NMT1: variants seen among roughly 807,000 people sequenced by gnomAD.
The protein encoded by NMT1 is N-myristoyltransferase 1.
In NMT1, 12 loss-of-function variants were observed where a neutral mutation model predicts 63.4. The ratio of observed to expected loss-of-function variants is 0.19; its 90% CI spans 0.12 to 0.31. NMT1 has a LOEUF of 0.31. NMT1 is among the 10% of genes least tolerant of loss of function. The pLI is 1.00. For synonymous variants in NMT1, 228 were observed against 234.3 expected (o/e 0.97, Z 0.25); for missense variants, 432 against 634.6 (o/e 0.68, Z 3.43).
intron 1 of NMT1, among the ~76,000 whole-genome samples, chr17:45,068,140 A>T (rs1026548395): frequency 6.6e-6 from 1 of 152,206 alleles, no homozygotes; most frequent in African/African-American, 2.4e-5. Flanking sequence ...AGGGACAAAA[A>T]TATGGTGTTC....
At chr17:45,099,074 T>C (rs2054144429) in intron 7 of NMT1, among the ~76,000 whole-genome samples, 1 of 151,764 alleles carries the variant, frequency 6.6e-6, no homozygotes, top group Non-Finnish European at 1.5e-5. Flanking sequence ...GGAGGGTGAG[T>C]GCCTCTGCCA....
chr17:45,098,818 G>A, intron 7 of NMT1: 1 of 416,492 alleles, frequency 2.4e-6, no homozygotes, highest in East Asian at 3.8e-5. Flanking sequence ...GTGGGGGGCG[G>A]TACTGGTGGT....
intron 1 of NMT1, among the ~76,000 whole-genome samples, chr17:45,079,649 C>T (rs530175739): frequency 6.6e-6 from 1 of 152,240 alleles, no homozygotes; most frequent in African/African-American, 2.4e-5. Flanking sequence ...CCCTTGATCA[C>T]GTGCACACAT....
intron 1 of NMT1, among the ~76,000 whole-genome samples, chr17:45,077,062 A>T (rs1246327618): frequency 6.6e-6 from 1 of 152,176 alleles, no homozygotes; most frequent in African/African-American, 2.4e-5. Context: ...GGTAGTTTTT[A>T]CAGTGATTTT....
chr17:45,080,164 T>C (rs2054006167), intron 1 of NMT1, among the ~76,000 whole-genome samples: 3 of 146,128 alleles, frequency 2.1e-5, no homozygotes, highest in African/African-American at 5.3e-5. Context: ...CTTTTTTTTT[T>C]CCCTTTTTTT....
chr17:45,098,708 G>A, intron 7 of NMT1, 156 bp downstream of exon 7: 1 of 655,082 alleles, frequency 1.5e-6, no homozygotes, highest in Non-Finnish European at 2.6e-6. Flanking sequence ...CAGATGGGGA[G>A]CATGGAGAGG....
chr17:45,091,297 A>C (rs2143500228), intron 3 of NMT1, among the ~76,000 whole-genome samples: 1 of 150,758 alleles, frequency 6.6e-6, no homozygotes, highest in African/African-American at 2.4e-5. Context: ...TGGCATGTGC[A>C]TCCTTGCTCA....
intron 3 of NMT1, among the ~76,000 whole-genome samples, chr17:45,091,508 A>G (rs1251734654): frequency 6.6e-6 from 1 of 152,160 alleles, no homozygotes; most frequent in African/African-American, 2.4e-5. Context: ...AGGGAAGACC[A>G]TCAGTATTCT....
At chr17:45,081,773 T>C (rs1229260203) in intron 2 of NMT1, 21 bp downstream of exon 2, 2 of 1,521,430 alleles carry the variant, frequency 1.3e-6, no homozygotes, top group Non-Finnish European at 1.8e-6. Context: ...GGTTCTGTTT[T>C]TTGTGACTCA....
Position 45,061,877 on chromosome 17 carries a change from C to T in NMT1, c.131+417C>T, listed in dbSNP as rs1004530344. The T allele has an allele frequency of 3.8e-5, 6 of 157,538 alleles. No individual in the cohort carries two copies. In the South Asian group the frequency reaches 6.6e-4, roughly 17 times the overall value. 9.8% of individuals were successfully genotyped at this position (157,538 alleles called of 1,614,324 possible). On this transcript the variant is annotated intron_variant, in intron 1 of 11. Coordinates refer to ENST00000258960, the MANE Select transcript of NMT1 (RefSeq NM_021079.5). ...CATAAAACATTTCGCAGCAGTTCAC[C>T]CTCAGTGAGGAAACTCATCAGACTA... is the stretch of plus-strand genomic sequence containing the variant.
intron 1 of NMT1, among the ~76,000 whole-genome samples, chr17:45,078,249 G>A (rs1466490812): frequency 6.6e-6 from 1 of 152,128 alleles, no homozygotes; most frequent in East Asian, 1.9e-4. Context: ...GCATGGGGGG[G>A]ACACATGGAA....
intron 1 of NMT1, among the ~76,000 whole-genome samples, chr17:45,070,091 A>T (rs1364590969): frequency 6.6e-6 from 1 of 152,026 alleles, no homozygotes; most frequent in African/African-American, 2.4e-5. Flanking sequence ...AGCTTTTGTG[A>T]CCTCTAAAAA....
intron 1 of NMT1, among the ~76,000 whole-genome samples, chr17:45,062,555 T>A (rs2053871730): frequency 6.6e-6 from 1 of 152,226 alleles, no homozygotes; most frequent in African/African-American, 2.4e-5. Flanking sequence ...AAGATTATAG[T>A]ACATATTTTT....
intron 1 of NMT1, among the ~76,000 whole-genome samples, chr17:45,070,893 C>T (rs1781898244): frequency 6.6e-6 from 1 of 152,150 alleles, no homozygotes; most frequent in African/African-American, 2.4e-5. Context: ...TTTTATTTTT[C>T]CCATCATTTG....
In NMT1 at chr17:45,107,109, A is replaced by G. The variant is rs2054207333; in HGVS notation, c.*1470A>G. 1 of 152,248 alleles carries G rather than the reference A, an allele frequency of 6.6e-6. No homozygotes were observed. Among genetic ancestry groups the G allele is most frequent in the South Asian group, 2.1e-4 (1 of 4,832 alleles). The allele number at this position is 152,248 out of a possible 1,614,324, so 9.4% of individuals were successfully genotyped here. On this transcript the variant is annotated 3_prime_UTR_variant, in exon 12 of 12. Transcript: ENST00000258960. Reference sequence around the variant, plus strand: ...GCTGCCGTCACCTCTCCGCTCATACAGGAATGAAGCCTTAGCCAGGAGGCC... The same window carrying G: ...GCTGCCGTCACCTCTCCGCTCATACGGGAATGAAGCCTTAGCCAGGAGGCC...
At chr17:45,062,182 C>T (rs958526179) in intron 1 of NMT1, among the ~76,000 whole-genome samples, 1 of 152,306 alleles carries the variant, frequency 6.6e-6, no homozygotes, top group East Asian at 1.9e-4. Context: ...TCCATACTGC[C>T]TATCCTGTAC....
At position 45,097,158 on chromosome 17, in the gene NMT1, G is replaced by C; in HGVS notation, c.627G>C (p.Gln209His). The change falls in exon 6 of 12, where the codon CAG becomes CAC. Residue 209 changes from glutamine (Q) to histidine (H), a missense_variant. Physicochemically the swap from Gln to His is conservative, Grantham distance 24. Transcript: ENST00000258960. Reference sequence around the variant, plus strand: ...TCCGGCCACCCGGCTGGCTCCCCCAGTGGCACTGTGGGGTTCGAGTGGTCT... The same window carrying C: ...TCCGGCCACCCGGCTGGCTCCCCCACTGGCACTGTGGGGTTCGAGTGGTCT... ...WALRPPGWLPQWHCGVRVVSS... is the reference protein window; with the variant it reads ...WALRPPGWLPHWHCGVRVVSS... 1.2e-6 allele frequency: 2 copies of C among 1,614,216 alleles called. No homozygotes were observed. Among genetic ancestry groups the C allele is most frequent in the Non-Finnish European group, 1.7e-6 (2 of 1,180,044 alleles).
chr17:45,077,822 TAAG>T (rs748482884), intron 1 of NMT1, among the ~76,000 whole-genome samples: 34 of 152,212 alleles, frequency 2.2e-4, no homozygotes, highest in African/African-American at 4.1e-4. Flanking sequence ...ATTGAGTTAC[TAAG>T]AAGAAGAAGT....
intron 1 of NMT1, among the ~76,000 whole-genome samples, chr17:45,081,051 A>G (rs553412357): frequency 4.3e-4 from 65 of 152,356 alleles, no homozygotes; most frequent in African/African-American, 1.4e-3. Context: ...TACAGGTGTG[A>G]GCTACCACGC....
Sources: gnomAD v4.1 joint callset for allele counts (sites outside exome capture counted in the v4.1 genomes callset) on GRCh38, gnomAD v4.1.1 for gene constraint, MANE v1.5 for transcripts, NCBI Gene and HGNC (gene_info 2026-07-23, HGNC 2026-07-21) for gene names.